Variants in SIPA1L2 observed in about 807,000 individuals in gnomAD.
SIPA1L2 encodes the protein signal induced proliferation associated 1 like 2.
SIPA1L2 carries 56 observed loss-of-function variants against 163.9 expected under a neutral mutation model. That is an observed-to-expected ratio of 0.34 (90% CI 0.28 to 0.43). The LOEUF (loss-of-function observed/expected upper bound fraction) is 0.43, where lower values mean the gene tolerates loss of function less well. SIPA1L2 is among the 20% of genes least tolerant of loss of function. The pLI, the probability that SIPA1L2 is intolerant of heterozygous loss-of-function variation, is 1.00. For synonymous variants in SIPA1L2, 877 were observed against 865.7 expected (o/e 1.01, Z -0.23); for missense variants, 1,974 against 2,193.5 (o/e 0.90, Z 2.00).
In SIPA1L2 at chr1:232,441,364, A is replaced by G; in HGVS notation, c.3569T>C (p.Val1190Ala). Residue 1190 changes from valine (V) to alanine (A), a missense_variant, in exon 14 of 23, where the codon GTC (valine) becomes GCC (alanine). By Grantham distance (64) the Val-to-Ala change is moderately conservative (BLOSUM62 0). Transcript: ENST00000674635. ...AGCTCTTTCTTTATAGGAACCCAGG[A>G]CTTTGGAAGGTGGGCCATGCCATTT... is the stretch of plus-strand genomic sequence containing the variant. ...ETKWHGPPSK[V>A]LGSYKERALQ... 1.3e-6 allele frequency: 2 copies of G among 1,598,346 alleles called. No homozygotes were observed. The highest frequency in any genetic ancestry group is 1.4e-5 in the African/African-American group (1 of 73,586).
At chr1:232,520,966 T>C (rs1473286732) in intron 2 of SIPA1L2, among the ~76,000 whole-genome samples, 2 of 152,174 alleles carry the variant, frequency 1.3e-5, no homozygotes, top group African/African-American at 2.4e-5. Context: ...ATCAAAGCTA[T>C]AAGACAATTT....
chr1:232,443,577 T>A, intron 12 of SIPA1L2, 25 bp downstream of exon 12: 1 of 1,542,326 alleles, frequency 6.5e-7, no homozygotes, highest in Non-Finnish European at 8.8e-7. Context: ...TCCCAGTGGA[T>A]AACTAAGATA....
chr1:232,439,275 G>C lies in SIPA1L2; in HGVS notation c.3864C>G (p.Ser1288=), dbSNP rs1385642531. The C allele has an allele frequency of 3.7e-6, 6 of 1,614,116 alleles. No individual in the cohort carries two copies. Among genetic ancestry groups the C allele is most frequent in the Non-Finnish European group, 4.2e-6 (5 of 1,180,044 alleles). The change falls in exon 15 of 23, where the codon TCC becomes TCG. Residue 1288 remains serine, a synonymous_variant. Transcript: ENST00000674635. ...ACTGCTCGGCCCGGCTGTGGATCAG[G>C]GACCTGCTGCCTGCCAGGTGCACAG... ...LGPVHLAGSR[S]LIHSRAEQWA...
chr1:232,628,455 G>A (rs1663196058), intron 1 of SIPA1L2, among the ~76,000 whole-genome samples: 2 of 152,196 alleles, frequency 1.3e-5, no homozygotes, highest in South Asian at 4.1e-4. Context: ...CTTTTAACTG[G>A]AAATATTGTC....
intron 2 of SIPA1L2, among the ~76,000 whole-genome samples, chr1:232,541,247 T>TTAACA (rs200351522): frequency 0.32 from 46,693 of 144,172 alleles, 7,749 homozygotes; most frequent in South Asian, 0.38. Context: ...TAACATAACA[T>TTAACA]TAACATAACA....
chr1:232,532,392 C>G (rs1657019180), intron 2 of SIPA1L2, among the ~76,000 whole-genome samples: 1 of 152,246 alleles, frequency 6.6e-6, no homozygotes, highest in Non-Finnish European at 1.5e-5. Flanking sequence ...GTGCAAAATG[C>G]TTATGAGCAC....
chr1:232,609,317 T>G (rs1178804150), intron 1 of SIPA1L2, among the ~76,000 whole-genome samples: 1 of 152,238 alleles, frequency 6.6e-6, no homozygotes, highest in Non-Finnish European at 1.5e-5. Flanking sequence ...AGATAAATTT[T>G]GAAATTTATC....
rs1667182882 is a variant in SIPA1L2 at position 232,515,539 on chromosome 1, T to C, written c.-200A>G. The stretch of plus-strand genomic sequence containing the variant: ...ACTTGCTTCTCTGTTGTCGTAATAA[T>C]GTTGTACGCCTCTGTTCTTTTCAAA... On this transcript the variant is annotated 5_prime_UTR_variant, in exon 3 of 23. Transcript: ENST00000674635. The C allele has an allele frequency of 3.6e-6, 2 of 561,814 alleles. No individual in the cohort carries two copies. Among genetic ancestry groups the C allele is most frequent in the Non-Finnish European group, 6.1e-6 (2 of 326,734 alleles). 34.8% of individuals were successfully genotyped at this position (561,814 alleles called of 1,614,324 possible). A position where few individuals can be genotyped will look rare whatever the true frequency, so the allele number is the denominator to read the frequency against.
At chr1:232,586,361 C>T (rs961336349) in intron 1 of SIPA1L2, among the ~76,000 whole-genome samples, 3 of 152,076 alleles carry the variant, frequency 2.0e-5, no homozygotes, top group Non-Finnish European at 4.4e-5. Flanking sequence ...TATCAGATGT[C>T]ATTTTATCTA....
In SIPA1L2 at chr1:232,490,911, T is replaced by C. The variant is rs781139157; in HGVS notation, c.1769A>G (p.Lys590Arg). 3 of 1,613,954 alleles carry C rather than the reference T, an allele frequency of 1.9e-6. No homozygotes were observed. In the African/African-American group the frequency reaches 4.0e-5, roughly 22 times the overall value. Residue 590 changes from lysine to arginine, a missense_variant, in exon 5 of 23, where the codon AAG becomes AGG. Coordinates refer to ENST00000674635, the MANE Select transcript of SIPA1L2 (RefSeq NM_020808.5). The stretch of plus-strand genomic sequence containing the variant: ...AAGCTTGAGCAGCTGCTCTGAGACC[T>C]TGGGTGAGTTGGAAGCCTGTCGCAA... Reference protein sequence around the residue: ...QCLRQASNSPKVSEQLLKLDE... With the variant: ...QCLRQASNSPRVSEQLLKLDE...
chr1:232,434,609 G>A (rs1251365273), intron 15 of SIPA1L2, among the ~76,000 whole-genome samples: 1 of 152,110 alleles, frequency 6.6e-6, no homozygotes, highest in Non-Finnish European at 1.5e-5. Flanking sequence ...TGAATAATAG[G>A]AGCTAATGGA....
At chr1:232,445,927 C>T in intron 10 of SIPA1L2, 141 bp from the exon 11 acceptor site, 2 of 773,248 alleles carry the variant, frequency 2.6e-6, no homozygotes, top group South Asian at 1.7e-5. Context: ...GAGCGATCCA[C>T]CCTTAGGAGC....
At chr1:232,617,392 G>A (rs1022372402) in intron 1 of SIPA1L2, among the ~76,000 whole-genome samples, 5 of 152,232 alleles carry the variant, frequency 3.3e-5, no homozygotes, top group African/African-American at 1.2e-4. Context: ...AGATGTGACT[G>A]AAGATAAATA....
Position 232,487,946 on chromosome 1 carries a change from ACACACACACG to A in SIPA1L2, c.1806+2918_1806+2927del, listed in dbSNP as rs1169210188. ...CACACACACACACACACACACACAC[ACACACACACG>A]CACACATATTTTTTTGAGACAGAGT... On this transcript the variant is annotated intron_variant, in intron 5 of 22. Coordinates refer to ENST00000674635, the MANE Select transcript of SIPA1L2 (RefSeq NM_020808.5). Among the ~76,000 whole-genome samples the A allele has an allele frequency of 4.2e-4, 64 of 151,842 alleles. 1 individual carries two copies. The highest frequency in any genetic ancestry group is 1.4e-3 in the African/African-American group (56 of 41,294).
intron 1 of SIPA1L2, among the ~76,000 whole-genome samples, chr1:232,619,448 A>G (rs1662682872): frequency 6.6e-6 from 1 of 152,260 alleles, no homozygotes; most frequent in Non-Finnish European, 1.5e-5. Context: ...CAGTGCATTC[A>G]TCACCTAATA....
chr1:232,626,163 T>A (rs1283896847), intron 1 of SIPA1L2, among the ~76,000 whole-genome samples: 1 of 152,054 alleles, frequency 6.6e-6, no homozygotes, highest in Non-Finnish European at 1.5e-5. Context: ...TAACTGCTGT[T>A]GTCAATTTTA....
intron 10 of SIPA1L2, among the ~76,000 whole-genome samples, chr1:232,455,902 A>G (rs1663884549): frequency 6.6e-6 from 1 of 152,098 alleles, no homozygotes; most frequent in Non-Finnish European, 1.5e-5. Flanking sequence ...CTAAACATTG[A>G]GTACACATGG....
chr1:232,565,730 TAAAC>T (rs1047222443), intron 2 of SIPA1L2, among the ~76,000 whole-genome samples: 14 of 152,310 alleles, frequency 9.2e-5, no homozygotes, highest in South Asian at 6.2e-4. Flanking sequence ...TTTCTCTCTC[TAAAC>T]AAACAAACTT....
intron 1 of SIPA1L2, among the ~76,000 whole-genome samples, chr1:232,614,239 T>C (rs1170091547): frequency 6.6e-6 from 1 of 151,288 alleles, no homozygotes; most frequent in Non-Finnish European, 1.5e-5. Flanking sequence ...CATTATTCCA[T>C]CAGCCAAGGC....
Sources: gnomAD v4.1 joint callset for allele counts (sites outside exome capture counted in the v4.1 genomes callset) on GRCh38, gnomAD v4.1.1 for gene constraint, MANE v1.5 for transcripts, NCBI Gene and HGNC (gene_info 2026-07-23, HGNC 2026-07-21) for gene names.